Variants in L3MBTL2 observed in about 807,000 individuals in gnomAD.
L3MBTL2 encodes lethal(3)malignant brain tumor-like protein 2.
In L3MBTL2, 49 loss-of-function variants were observed where a neutral mutation model predicts 86.4. The observed-to-expected ratio is 0.57, with a 90% CI of 0.45 to 0.72. The LOEUF (loss-of-function observed/expected upper bound fraction) is 0.72. Among genes scored for constraint, L3MBTL2 ranks in the 30% least tolerant of loss-of-function variants. The pLI is 0.00. For missense variants in L3MBTL2, 755 were observed against 923.7 expected, an observed-to-expected ratio of 0.82 and a Z score of 2.37; for synonymous variants, 336 against 350.6, an observed-to-expected ratio of 0.96 and a Z score of 0.47.
In L3MBTL2 at chr22:41,227,330, G is replaced by A; in HGVS notation, c.1822+7G>A. The A allele has an allele frequency of 6.3e-7, 1 of 1,585,214 alleles. No homozygotes were observed. The highest frequency in any genetic ancestry group is 8.6e-7 in the Non-Finnish European group (1 of 1,165,566). ...CAGCCTCCTGTGGCCGCAGGTGTGGGCTCTCGTGGCCCTAAGAGGCTCTGA... is the reference window on the plus strand; with the variant it reads ...CAGCCTCCTGTGGCCGCAGGTGTGGACTCTCGTGGCCCTAAGAGGCTCTGA... On this transcript the variant is annotated splice_region_variant and intron_variant, in intron 14 of 16. Transcript: ENST00000216237. The surrounding 1 kb of genome is among the most constrained non-coding windows in gnomAD (Gnocchi z 6.0).
Position 41,224,223 on chromosome 22 carries a change from A to C in L3MBTL2, c.1146A>C (p.Arg382=). ...TGATCCACCCAGTGGGTTGGTCACG[A>C]CGTGTGGGCCACGGCATCAAGATGT... ...SPLIHPVGWS[R]RVGHGIKMSE... The change falls in exon 9 of 17, where the codon CGA becomes CGC. Residue 382 remains arginine, a synonymous_variant. Transcript: ENST00000216237. This position sits in a 1 kb window ranked among gnomAD's most constrained non-coding sequence, Gnocchi z 4.9. The C allele has an allele frequency of 6.2e-7, 1 of 1,612,962 alleles. No individual in the cohort carries two copies. Among genetic ancestry groups the C allele is most frequent in the Non-Finnish European group, 8.5e-7 (1 of 1,179,174 alleles).
chr22:41,208,648 C>G (rs139433), intron 1 of L3MBTL2, among the ~76,000 whole-genome samples: 63,589 of 152,022 alleles, frequency 0.42, 14,052 homozygotes, highest in African/African-American at 0.56. Flanking sequence ...CTGCCTCTCC[C>G]ATCCTCTTTG....
chr22:41,217,309 G>A, intron 5 of L3MBTL2, 107 bp downstream of exon 5: 1 of 788,232 alleles, frequency 1.3e-6, no homozygotes. Flanking sequence ...CAGTGGGGAG[G>A]TCTGGGCAGG....
At chr22:41,212,295 A>G (rs1169374807) in intron 2 of L3MBTL2, among the ~76,000 whole-genome samples, 1 of 152,044 alleles carries the variant, frequency 6.6e-6, no homozygotes, top group Non-Finnish European at 1.5e-5. Context: ...GACCACTTAG[A>G]CCAGGGGTTC....
chr22:41,226,868 CA>C, intron 13 of L3MBTL2, 124 bp downstream of exon 13: 1 of 799,916 alleles, frequency 1.3e-6, no homozygotes, highest in South Asian at 1.7e-5. Flanking sequence ...CAGCCACTTT[CA>C]GGGGGAAGTC....
chr22:41,227,134 G>C lies in L3MBTL2; in HGVS notation c.1633G>C (p.Val545Leu), dbSNP rs780186631. 1.2e-6 allele frequency: 2 copies of C among 1,613,512 alleles called. No homozygotes were observed. Among genetic ancestry groups the C allele is most frequent in the African/African-American group, 2.7e-5 (2 of 74,960 alleles). Residue 545 changes from valine (V) to leucine (L), a missense_variant, in exon 14 of 17, where the codon GTG becomes CTG. This residue lies in a region of L3MBTL2 where 634 missense variants were observed against 748.9 expected (regional missense o/e 0.85). Coordinates refer to ENST00000216237, the MANE Select transcript of L3MBTL2 (RefSeq NM_031488.5). This position sits in a 1 kb window ranked among gnomAD's most constrained non-coding sequence, Gnocchi z 6.0. ...CAAGGTGGGCATGAAGCTGGAGGCC[G>C]TGGACCTGATGGAGCCCCGGCTCAT... ...GFKVGMKLEA[V>L]DLMEPRLICV...
intron 1 of L3MBTL2, among the ~76,000 whole-genome samples, chr22:41,206,393 C>T (rs2030211936): frequency 1.3e-5 from 2 of 152,134 alleles, no homozygotes; most frequent in Admixed American, 1.3e-4. Context: ...GTGATGACAA[C>T]GCACTGCAGC....
rs776241993 is a variant in L3MBTL2 at position 41,209,771 on chromosome 22, C to T, written c.100C>T (p.Arg34Trp). The T allele has an allele frequency of 6.2e-6, 10 of 1,613,996 alleles. No individual in the cohort carries two copies. Among genetic ancestry groups the T allele is most frequent in the African/African-American group, 1.3e-5 (1 of 74,894 alleles). Residue 34 changes from arginine (R) to tryptophan (W), a missense_variant, in exon 2 of 17, where the codon CGG (arginine) becomes TGG (tryptophan). By Grantham distance (101) the Arg-to-Trp change is moderately radical. Around this residue, in one of 3 missense-constraint regions of L3MBTL2, gnomAD observed 103 missense variants for 105.2 expected, o/e 0.98. Coordinates refer to ENST00000216237, the MANE Select transcript of L3MBTL2 (RefSeq NM_031488.5). Reference protein sequence around the residue: ...LELFGGYDSFRSYNSSVGSES... With the variant: ...LELFGGYDSFWSYNSSVGSES... ...GCTGTTTGGTGGCTATGATAGTTTCCGGAGTTATAACAGCAGTGTGGGCAG... is the reference window on the plus strand; with the variant it reads ...GCTGTTTGGTGGCTATGATAGTTTCTGGAGTTATAACAGCAGTGTGGGCAG...
chr22:41,213,815 A>T (rs1601502408), intron 2 of L3MBTL2, 78 bp from the exon 3 acceptor site: 38 of 1,534,810 alleles, frequency 2.5e-5, no homozygotes, highest in Non-Finnish European at 3.4e-5. Flanking sequence ...GCAGTGCCCC[A>T]GGTTTTGAAG....
intron 3 of L3MBTL2, among the ~76,000 whole-genome samples, chr22:41,215,905 G>GGTCT (rs2031315452): frequency 2.0e-5 from 3 of 152,202 alleles, no homozygotes; most frequent in Admixed American, 2.0e-4. Flanking sequence ...ATAGAACATG[G>GGTCT]GTCTCTCCCT....
Position 41,219,337 on chromosome 22 carries a change from C to G in L3MBTL2, c.601-82C>G. 2.9e-6 allele frequency: 3 copies of G among 1,022,186 alleles called. No individual in the cohort carries two copies. The Admixed American group carries it at 5.1e-5, about 17-fold the overall frequency. 63.3% of individuals were successfully genotyped at this position (1,022,186 alleles called of 1,614,324 possible). A position where few individuals can be genotyped will look rare whatever the true frequency, so the allele number is the denominator to read the frequency against. ...TGAAAAGTTGAGGTGCAAACGAGGA[C>G]TTGACTGAGGCCGTGAGGCAGTCTG... On this transcript the variant is annotated intron_variant, in intron 5 of 16. Coordinates refer to ENST00000216237, the MANE Select transcript of L3MBTL2 (RefSeq NM_031488.5).
chr22:41,230,444 C>T lies in L3MBTL2; in HGVS notation c.*193C>T. On this transcript the variant is annotated 3_prime_UTR_variant, in exon 17 of 17. Coordinates refer to ENST00000216237, the MANE Select transcript of L3MBTL2 (RefSeq NM_031488.5). The stretch of plus-strand genomic sequence containing the variant: ...ACCCGCCTGTTGCTTCTGCCCTCCC[C>T]TGTGGAAAGGTCTATATGACGGGCC... The T allele has an allele frequency of 3.4e-6, 2 of 588,714 alleles. No individual in the cohort carries two copies. The highest frequency in any genetic ancestry group is 2.0e-5 in the South Asian group (1 of 49,456). 36.5% of individuals were successfully genotyped at this position (588,714 alleles called of 1,614,324 possible). A position where few individuals can be genotyped will look rare whatever the true frequency, so the allele number is the denominator to read the frequency against.
rs980895443 is a variant in L3MBTL2 at position 41,224,591 on chromosome 22, G to T, written c.1175-134G>T. The T allele has an allele frequency of 3.3e-5, 22 of 674,358 alleles. No individual in the cohort carries two copies. In the African/African-American group the frequency reaches 3.9e-4, roughly 12 times the overall value. The allele number at this position is 674,358 out of a possible 1,614,324, so 41.8% of individuals were successfully genotyped here. On this transcript the variant is annotated intron_variant, in intron 9 of 16. Coordinates refer to ENST00000216237, the MANE Select transcript of L3MBTL2 (RefSeq NM_031488.5). This position sits in a 1 kb window ranked among gnomAD's most constrained non-coding sequence, Gnocchi z 4.9. Reference sequence around the variant, plus strand: ...TCTGTCTGCTACTCTGGGGTGGGGGGTCCTGAGATACAGAGATACAGCTGA... The same window carrying T: ...TCTGTCTGCTACTCTGGGGTGGGGGTTCCTGAGATACAGAGATACAGCTGA...
rs548298301 is a variant in L3MBTL2, at chr22:41,229,636, C to T, written c.1985C>T (p.Ser662Leu). 5.6e-6 allele frequency: 9 copies of T among 1,613,716 alleles called. No individual in the cohort carries two copies. Among genetic ancestry groups the T allele is most frequent in the African/African-American group, 4.0e-5 (3 of 75,032 alleles). The change falls in exon 16 of 17, where the codon TCG (serine) becomes TTG (leucine). Residue 662 changes from serine to leucine, a missense_variant. Physicochemically the swap from Ser to Leu is moderately radical, Grantham distance 145. Transcript: ENST00000216237. Reference protein sequence around the residue: ...DDPQGARKISSEPVPGEIIAV... With the variant: ...DDPQGARKISLEPVPGEIIAV... ...CCTCAGGGTGCCAGGAAGATCTCGTCGGAGCCTGTTCCTGGCGAGAGTAAG... is the reference window on the plus strand; with the variant it reads ...CCTCAGGGTGCCAGGAAGATCTCGTTGGAGCCTGTTCCTGGCGAGAGTAAG...
rs537505774 is a variant in L3MBTL2 at position 41,208,686 on chromosome 22, T to C, written c.25-1010T>C. Among the ~76,000 whole-genome samples the C allele has an allele frequency of 4.6e-5, 7 of 152,264 alleles. No homozygotes were observed. The East Asian group carries it at 9.6e-4, about 21-fold the overall frequency. On this transcript the variant is annotated intron_variant, in intron 1 of 16. Coordinates refer to ENST00000216237, the MANE Select transcript of L3MBTL2 (RefSeq NM_031488.5). Reference sequence around the variant, plus strand: ...GCAGTCTAGGTCCCAAATTAACTTTTCTGTGACTTAAATTGTTTCTGAGTT... The same window carrying C: ...GCAGTCTAGGTCCCAAATTAACTTTCCTGTGACTTAAATTGTTTCTGAGTT...
At chr22:41,214,137 C>A in intron 3 of L3MBTL2, 111 bp downstream of exon 3, 1 of 1,075,822 alleles carries the variant, frequency 9.3e-7, no homozygotes, top group Non-Finnish European at 1.4e-6. Context: ...TGCTTGTGGC[C>A]AGCTGGTATT....
intron 2 of L3MBTL2, among the ~76,000 whole-genome samples, chr22:41,210,851 G>A (rs556087379): frequency 6.6e-6 from 1 of 152,326 alleles, no homozygotes; most frequent in Admixed American, 6.5e-5. Context: ...GAGTAGCATG[G>A]TGCTGCTTTT....
intron 1 of L3MBTL2, among the ~76,000 whole-genome samples, chr22:41,207,474 C>T (rs1347396704): frequency 6.6e-6 from 1 of 151,988 alleles, no homozygotes; most frequent in Non-Finnish European, 1.5e-5. Flanking sequence ...CCTCCTGTCT[C>T]GGCCTCCCAA....
Position 41,227,989 on chromosome 22 carries a change from TAGC to T in L3MBTL2, c.1888+121_1888+123del, listed in dbSNP as rs1467883481. 8.1e-6 allele frequency: 12 copies of T among 1,472,602 alleles called. No individual in the cohort carries two copies. Among genetic ancestry groups the T allele is most frequent in the Non-Finnish European group, 1.1e-5 (12 of 1,109,580 alleles). 91.2% of individuals were successfully genotyped at this position (1,472,602 alleles called of 1,614,324 possible). A position where few individuals can be genotyped will look rare whatever the true frequency, so the allele number is the denominator to read the frequency against. On this transcript the variant is annotated intron_variant, in intron 15 of 16. Coordinates refer to ENST00000216237, the MANE Select transcript of L3MBTL2 (RefSeq NM_031488.5). This position sits in a 1 kb window ranked among gnomAD's most constrained non-coding sequence, Gnocchi z 6.0. ...GTTCCCAGGTGCTGTCCTACTGACG[TAGC>T]TCTCTTCGTGTTCCTGTCCTGTCTC...
Sources: gnomAD v4.1 joint callset for allele counts (sites outside exome capture counted in the v4.1 genomes callset) on GRCh38, gnomAD v4.1.1 for gene constraint, gnomAD v4.1.1 regional missense constraint, Gnocchi (gnomAD v3.1) non-coding constraint, MANE v1.5 for transcripts, NCBI Gene and HGNC (gene_info 2026-07-23, HGNC 2026-07-21) for gene names.